SLX4IP: variants seen among roughly 807,000 people sequenced by gnomAD.
SLX4IP encodes protein SLX4IP.
SLX4IP carries 34 observed loss-of-function variants against 32.9 expected under a neutral mutation model. The ratio of observed to expected loss-of-function variants is 1.03; its 90% confidence interval spans 0.79 to 1.38. The LOEUF (loss-of-function observed/expected upper bound fraction) is 1.38. Ranked by LOEUF, SLX4IP falls within the 40% of genes most tolerant of loss-of-function variation. SLX4IP has a pLI of 0.00. For synonymous variants in SLX4IP, 172 were observed against 171.7 expected (o/e 1.00, Z -0.01); for missense variants, 444 against 479.0 (o/e 0.93, Z 0.68).
At chr20:10,617,870 A>G (rs1172719282) in intron 6 of SLX4IP, among the ~76,000 whole-genome samples, 1 of 151,594 alleles carries the variant, frequency 6.6e-6, no homozygotes, top group Non-Finnish European at 1.5e-5. Flanking sequence ...CGAACTCCTG[A>G]GCTCAAGCTA....
In SLX4IP at chr20:10,486,925, G is replaced by GTT. The variant is rs33957420; in HGVS notation, c.27+28704_27+28705dup. On this transcript the variant is annotated intron_variant, in intron 2 of 7. Transcript: ENST00000334534. ...GAATCTCTACATTCAAACTTGCTCT[G>GTT]TTTTTTTTTTTGAATAATCTCTTGA... 2.0e-3 allele frequency among the ~76,000 whole-genome samples: 302 copies of GTT among 148,758 alleles called. 3 individuals are homozygous for GTT. Among genetic ancestry groups the GTT allele is most frequent in the Middle Eastern group, 0.014 (4 of 290 alleles).
chr20:10,582,022 C>G (rs1484903108), intron 4 of SLX4IP, among the ~76,000 whole-genome samples: 1 of 152,160 alleles, frequency 6.6e-6, no homozygotes, highest in African/African-American at 2.4e-5. Context: ...TGGGGTGGAT[C>G]TCCAGGAAGC....
chr20:10,469,472 T>C (rs2065406131), intron 2 of SLX4IP, among the ~76,000 whole-genome samples: 1 of 152,158 alleles, frequency 6.6e-6, no homozygotes, highest in South Asian at 2.1e-4. Flanking sequence ...AAAAGTAAAA[T>C]GTTTCAGTAT....
At chr20:10,469,032 AAAAAAAAATCGC>A (rs2122359071) in intron 2 of SLX4IP, among the ~76,000 whole-genome samples, 2 of 151,610 alleles carry the variant, frequency 1.3e-5, no homozygotes, top group African/African-American at 4.8e-5. Flanking sequence ...CAATAGCTTT[AAAAAAAAATCGC>A]AAAAAAAATC....
rs571709546 is a variant in SLX4IP at position 10,438,171 on chromosome 20, G to A, written c.-30+2718G>A. ...ACTTTTCGGGATATGAACTTGTTTAGAAAAGAGGGTGATATAAACACAATA... is the reference window on the plus strand; with the variant it reads ...ACTTTTCGGGATATGAACTTGTTTAAAAAAGAGGGTGATATAAACACAATA... On this transcript the variant is annotated intron_variant, in intron 1 of 7. Coordinates refer to ENST00000334534, the MANE Select transcript of SLX4IP (RefSeq NM_001009608.3). 9.2e-5 allele frequency among the ~76,000 whole-genome samples: 14 copies of A among 151,846 alleles called. 1 individual carries two copies. The South Asian group carries it at 2.9e-3, about 32-fold the overall frequency.
Position 10,568,759 on chromosome 20 carries a change from T to C in SLX4IP, c.238+7939T>C, listed in dbSNP as rs1407498258. ...CACTCCCTGAAACATGAATTCCAACTGTGGATTCTGTCAGTTGCAGAATAA... is the reference window on the plus strand; with the variant it reads ...CACTCCCTGAAACATGAATTCCAACCGTGGATTCTGTCAGTTGCAGAATAA... On this transcript the variant is annotated intron_variant, in intron 4 of 7. Transcript: ENST00000334534. Among the ~76,000 whole-genome samples the C allele has an allele frequency of 2.0e-5, 3 of 152,232 alleles. No homozygotes were observed. The East Asian group carries it at 5.8e-4, about 29-fold the overall frequency.
chr20:10,524,176 G>T (rs1262379268), intron 2 of SLX4IP, among the ~76,000 whole-genome samples: 1 of 152,242 alleles, frequency 6.6e-6, no homozygotes, highest in Non-Finnish European at 1.5e-5. Context: ...GGCCTCATGG[G>T]GTTTGTAAAG....
At chr20:10,503,391 A>AG (rs2065735066) in intron 2 of SLX4IP, among the ~76,000 whole-genome samples, 1 of 152,192 alleles carries the variant, frequency 6.6e-6, no homozygotes, top group South Asian at 2.1e-4. Flanking sequence ...AGAAAGTGTG[A>AG]GCCAGACATT....
intron 1 of SLX4IP, among the ~76,000 whole-genome samples, chr20:10,450,028 G>A (rs570506551): frequency 4.6e-5 from 7 of 151,946 alleles, no homozygotes; most frequent in Non-Finnish European, 1.0e-4. Context: ...AGTAATATTA[G>A]CCATCACAGT....
At chr20:10,558,548 C>G (rs1225693824) in intron 3 of SLX4IP, among the ~76,000 whole-genome samples, 1 of 152,056 alleles carries the variant, frequency 6.6e-6, no homozygotes, top group African/African-American at 2.4e-5. Flanking sequence ...TTTTAACAGT[C>G]ATTTTATACA....
intron 2 of SLX4IP, among the ~76,000 whole-genome samples, chr20:10,516,906 T>C (rs929902797): frequency 1.3e-5 from 2 of 152,230 alleles, no homozygotes; most frequent in Admixed American, 6.5e-5. Context: ...AAATATGGTA[T>C]TGCTTCTCAG....
chr20:10,465,269 C>T (rs1944968136), intron 2 of SLX4IP, among the ~76,000 whole-genome samples: 1 of 152,072 alleles, frequency 6.6e-6, no homozygotes, highest in Admixed American at 6.6e-5. Context: ...AAGATCTAGA[C>T]CAGAGATCTG....
At chr20:10,585,943 A>C (rs973526553) in intron 4 of SLX4IP, among the ~76,000 whole-genome samples, 2 of 152,062 alleles carry the variant, frequency 1.3e-5, no homozygotes, top group African/African-American at 4.8e-5. Flanking sequence ...CAGAAATCTC[A>C]TTGATCCTCA....
At chr20:10,537,680 A>G (rs1295625812) in intron 2 of SLX4IP, among the ~76,000 whole-genome samples, 1 of 152,200 alleles carries the variant, frequency 6.6e-6, no homozygotes. Flanking sequence ...AATACATCTA[A>G]TATCATGATC....
chr20:10,598,401 T>C (rs548655566), intron 4 of SLX4IP, among the ~76,000 whole-genome samples: 16 of 152,298 alleles, frequency 1.1e-4, no homozygotes, highest in African/African-American at 3.6e-4. Flanking sequence ...GTAGCTGGGA[T>C]TACAGGTGCC....
At chr20:10,578,759 A>G (rs1425691731) in intron 4 of SLX4IP, among the ~76,000 whole-genome samples, 2 of 152,168 alleles carry the variant, frequency 1.3e-5, no homozygotes, top group Admixed American at 1.3e-4. Context: ...CTTTTTGACT[A>G]TAGCTGTCCT....
intron 2 of SLX4IP, among the ~76,000 whole-genome samples, chr20:10,473,000 T>A (rs1267969993): frequency 6.6e-6 from 1 of 152,248 alleles, no homozygotes; most frequent in Non-Finnish European, 1.5e-5. Flanking sequence ...TTTGTTGTTA[T>A]AAATTGTCCT....
intron 2 of SLX4IP, among the ~76,000 whole-genome samples, chr20:10,470,651 T>C (rs1245987485): frequency 6.6e-6 from 1 of 152,236 alleles, no homozygotes; most frequent in African/African-American, 2.4e-5. Flanking sequence ...AAAAAGAATG[T>C]CATGCTGTTT....
intron 1 of SLX4IP, among the ~76,000 whole-genome samples, chr20:10,439,730 A>G (rs2065144988): frequency 6.6e-6 from 1 of 152,232 alleles, no homozygotes; most frequent in South Asian, 2.1e-4. Flanking sequence ...GTACATGTCT[A>G]ATCACTTTAA....
Sources: gnomAD v4.1 joint callset for allele counts (sites outside exome capture counted in the v4.1 genomes callset) on GRCh38, gnomAD v4.1.1 for gene constraint, MANE v1.5 for transcripts, NCBI Gene and HGNC (gene_info 2026-07-23, HGNC 2026-07-21) for gene names.